Variants in UGT1A7 observed in about 807,000 individuals in gnomAD.
UGT1A7 encodes the protein UDP-glucuronosyltransferase 1A7.
In UGT1A7, 33 loss-of-function variants were observed where a neutral mutation model predicts 45.6. The observed-to-expected ratio is 0.72, with a 90% CI of 0.55 to 0.97. The LOEUF (loss-of-function observed/expected upper bound fraction) is 0.97, where lower values mean the gene tolerates loss of function less well. UGT1A7 is among the 50% of genes least tolerant of loss of function. The probability of loss-of-function intolerance (pLI) is 0.00; values close to 1 mark genes in which losing one functional copy is unlikely to be tolerated. For synonymous variants in UGT1A7, 274 were observed against 250.6 expected (o/e 1.09, Z -0.88); for missense variants, 684 against 666.2 (o/e 1.03, Z -0.29).
Position 233,767,883 on chromosome 2 carries a change from A to G in UGT1A7, c.1022A>G (p.Asn341Ser), listed in dbSNP as rs1336725166. 1.2e-6 allele frequency: 2 copies of G among 1,614,150 alleles called. No homozygotes were observed. The highest frequency in any genetic ancestry group is 2.2e-5 in the South Asian group (2 of 91,074). Residue 341 changes from asparagine to serine, a missense_variant, in exon 3 of 5, where the codon AAT (asparagine) becomes AGT (serine). Coordinates refer to ENST00000373426, the MANE Select transcript of UGT1A7 (RefSeq NM_019077.3). ...LWRYTGTRPSNLANNTILVKW... is the reference protein window; with the variant it reads ...LWRYTGTRPSSLANNTILVKW... The stretch of plus-strand genomic sequence containing the variant: ...CGGTACACTGGAACCCGACCATCGA[A>G]TCTTGCGAACAACACGATACTTGTT...
intron 1 of UGT1A7, among the ~76,000 whole-genome samples, chr2:233,696,580 A>T (rs2125568256): frequency 6.6e-6 from 1 of 151,478 alleles, no homozygotes; most frequent in South Asian, 2.1e-4. Context: ...GAATAATTTG[A>T]CTTCTTCCTT....
intron 1 of UGT1A7, among the ~76,000 whole-genome samples, chr2:233,765,833 T>G (rs532731627): frequency 6.6e-6 from 1 of 152,182 alleles, no homozygotes; most frequent in Admixed American, 6.5e-5. Flanking sequence ...ACAGGAAAAC[T>G]TTCCTTGTCC....
chr2:233,682,300 T>C lies in UGT1A7; in HGVS notation c.363T>C (p.Phe121=), dbSNP rs997680321. 32 of 1,614,098 alleles carry C rather than the reference T, an allele frequency of 2.0e-5. No homozygotes were observed. The highest frequency in any genetic ancestry group is 2.5e-5 in the Non-Finnish European group (29 of 1,180,040). ...CCAATGGTATTTTTGACTTATTTTTTTCAAATTGCAGGAGTTTGTTTAATG... is the reference window on the plus strand; with the variant it reads ...CCAATGGTATTTTTGACTTATTTTTCTCAAATTGCAGGAGTTTGTTTAATG... The part of the protein sequence containing the change: ...SSSNGIFDLF[F]SNCRSLFNDR... The change falls in exon 1 of 5, where the codon TTT becomes TTC. Residue 121 remains phenylalanine, a synonymous_variant. Coordinates refer to ENST00000373426, the MANE Select transcript of UGT1A7 (RefSeq NM_019077.3).
chr2:233,713,010 G>A (rs778526502), intron 1 of UGT1A7: 3 of 1,613,638 alleles, frequency 1.9e-6, no homozygotes, highest in Non-Finnish European at 2.5e-6. Context: ...AGGACTCCAG[G>A]TTCCCCTGCC....
chr2:233,704,550 A>C (rs6722836), intron 1 of UGT1A7, among the ~76,000 whole-genome samples: 2,672 of 152,284 alleles, frequency 0.018, 40 homozygotes, highest in South Asian at 0.042. Context: ...TGATAATATT[A>C]CTTTATATAA....
chr2:233,747,622 T>G, intron 1 of UGT1A7: 6 of 1,577,576 alleles, frequency 3.8e-6, no homozygotes, highest in Non-Finnish European at 5.2e-6. Context: ...AATGAGGCCC[T>G]GATCAGGCAC....
intron 1 of UGT1A7, chr2:233,744,109 G>C: frequency 2.5e-6 from 1 of 395,016 alleles, no homozygotes; most frequent in Non-Finnish European, 4.6e-6. Context: ...GACTGGCCCT[G>C]CTCTCTGTGA....
At position 233,769,583 on chromosome 2, in the gene UGT1A7, G is replaced by A. The variant is rs749814257; in HGVS notation, c.1295+1144G>A. ...GTGAAGAGCTGGAGCATGTTCAGATGAGAGGAGACGGAACACGGGGACACA... is the reference window on the plus strand; with the variant it reads ...GTGAAGAGCTGGAGCATGTTCAGATAAGAGGAGACGGAACACGGGGACACA... On this transcript the variant is annotated intron_variant, in intron 4 of 4. Transcript: ENST00000373426. The surrounding 1 kb of genome is among the most constrained non-coding windows in gnomAD (Gnocchi z 4.4). 1.4e-5 allele frequency: 22 copies of A among 1,612,904 alleles called. No individual in the cohort carries two copies. The East Asian group carries it at 4.7e-4, about 34-fold the overall frequency.
intron 1 of UGT1A7, chr2:233,747,293 A>C (rs1693613348): frequency 3.7e-6 from 6 of 1,600,642 alleles, no homozygotes; most frequent in Non-Finnish European, 5.1e-6. Context: ...CCCTGGGCTG[A>C]GAGTGGGAAG....
At chr2:233,739,084 G>A (rs1483024078) in intron 1 of UGT1A7, 1 of 152,248 alleles carries the variant, frequency 6.6e-6, no homozygotes, top group Non-Finnish European at 1.5e-5. Flanking sequence ...TCAAGCCTTG[G>A]CAGCATCGAT....
At chr2:233,747,840 A>T in intron 1 of UGT1A7, 1 of 1,613,552 alleles carries the variant, frequency 6.2e-7, no homozygotes, top group South Asian at 1.1e-5. Flanking sequence ...ATTCCTGCAA[A>T]GGGTCAAGAA....
intron 1 of UGT1A7, among the ~76,000 whole-genome samples, chr2:233,686,277 A>G (rs2074781499): frequency 6.6e-6 from 1 of 152,130 alleles, no homozygotes; most frequent in Non-Finnish European, 1.5e-5. Context: ...CCAAAAGTAC[A>G]AGAAACTAAA....
chr2:233,711,393 C>T (rs2076178723), intron 1 of UGT1A7, among the ~76,000 whole-genome samples: 1 of 152,238 alleles, frequency 6.6e-6, no homozygotes, highest in South Asian at 2.1e-4. Context: ...AGGTGTGTTC[C>T]ACCCTCACCC....
chr2:233,728,786 G>A (rs944510935), intron 1 of UGT1A7, among the ~76,000 whole-genome samples: 1 of 152,188 alleles, frequency 6.6e-6, no homozygotes, highest in Non-Finnish European at 1.5e-5. Context: ...GATAAACATG[G>A]TTAACAGAGA....
At chr2:233,745,784 G>A (rs1693214179) in intron 1 of UGT1A7, among the ~76,000 whole-genome samples, 1 of 151,038 alleles carries the variant, frequency 6.6e-6, no homozygotes, top group Non-Finnish European at 1.5e-5. Flanking sequence ...GCTTAGACAG[G>A]GGGGCTGGGG....
chr2:233,764,085 G>T (rs1214257017), intron 1 of UGT1A7, among the ~76,000 whole-genome samples: 1 of 152,154 alleles, frequency 6.6e-6, no homozygotes, highest in African/African-American at 2.4e-5. Flanking sequence ...CTAATTAAAA[G>T]CCTAAACTAA....
At chr2:233,730,740 A>G (rs1421487405) in intron 1 of UGT1A7, among the ~76,000 whole-genome samples, 1 of 152,154 alleles carries the variant, frequency 6.6e-6, no homozygotes, top group East Asian at 1.9e-4. Context: ...GGAAGGGGCT[A>G]GGGAGGAGAT....
At chr2:233,706,356 C>A (rs1347100238) in intron 1 of UGT1A7, among the ~76,000 whole-genome samples, 1 of 152,190 alleles carries the variant, frequency 6.6e-6, no homozygotes, top group African/African-American at 2.4e-5. Context: ...AAACATTCTT[C>A]CAATTTAGGC....
intron 1 of UGT1A7, among the ~76,000 whole-genome samples, chr2:233,720,116 C>G (rs1194928036): frequency 6.6e-6 from 1 of 152,088 alleles, no homozygotes; most frequent in African/African-American, 2.4e-5. Flanking sequence ...GCGAAAGATA[C>G]AGAGGTGACC....
Sources: allele counts gnomAD v4.1 joint callset (sites outside exome capture counted in the v4.1 genomes callset), GRCh38; gene constraint gnomAD v4.1.1; non-coding constraint Gnocchi (gnomAD v3.1); transcripts MANE v1.5; gene names NCBI Gene and HGNC (gene_info 2026-07-23, HGNC 2026-07-21).